Variants in MORF4L1 observed in about 807,000 individuals in gnomAD.
The protein encoded by MORF4L1 is mortality factor 4-like protein 1.
A neutral mutation model predicts 52.9 loss-of-function variants in MORF4L1; 4 were observed. The ratio of observed to expected loss-of-function variants is 0.08; its 90% CI spans 0.04 to 0.17. The LOEUF (loss-of-function observed/expected upper bound fraction) is 0.17. Ranked by LOEUF, MORF4L1 falls within the 10% of genes least tolerant of loss-of-function variation. The pLI is 1.00. For synonymous variants in MORF4L1, 123 were observed against 134.8 expected, an observed-to-expected ratio of 0.91 and a Z score of 0.61; for missense variants, 214 against 390.4, an observed-to-expected ratio of 0.55 and a Z score of 3.81.
At position 78,879,302 on chromosome 15, in the gene MORF4L1, A is replaced by G. The variant is rs545404538; in HGVS notation, c.87+1043A>G. Among the ~76,000 whole-genome samples the G allele has an allele frequency of 3.3e-5, 5 of 151,616 alleles. No homozygotes were observed. In the South Asian group the frequency reaches 1.0e-3, roughly 32 times the overall value. On this transcript the variant is annotated intron_variant, in intron 2 of 11. Transcript: ENST00000426013. Reference sequence around the variant, plus strand: ...AGTGGTGCGATCTTGGCTCACTGTGACGTCCCCCTCCCGGGTTGAAGCAAT... The same window carrying G: ...AGTGGTGCGATCTTGGCTCACTGTGGCGTCCCCCTCCCGGGTTGAAGCAAT...
intron 6 of MORF4L1, chr15:78,891,220 C>G: frequency 2.8e-6 from 2 of 710,178 alleles, no homozygotes; most frequent in South Asian, 3.4e-5. Flanking sequence ...TTTTCATCTG[C>G]TTTAGTCTTA....
Position 78,885,622 on chromosome 15 carries a change from T to A in MORF4L1, c.156-519T>A, listed in dbSNP as rs940994574. Among the ~76,000 whole-genome samples the A allele has an allele frequency of 3.3e-5, 5 of 152,354 alleles. No homozygotes were observed. The East Asian group carries it at 5.8e-4, about 18-fold the overall frequency. ...TATGTTTCTGACATACCTTTAGTGT[T>A]GTTTTGTGTCAGGGATTCTCAGGTG... On this transcript the variant is annotated intron_variant, in intron 3 of 11. Transcript: ENST00000426013.
intron 3 of MORF4L1, among the ~76,000 whole-genome samples, chr15:78,883,287 T>A (rs1339351227): frequency 6.6e-6 from 1 of 152,056 alleles, no homozygotes; most frequent in Admixed American, 6.5e-5. Context: ...AAAGAAGATA[T>A]TTTTAAAAAC....
chr15:78,877,014 A>C (rs1030268892), intron 1 of MORF4L1, among the ~76,000 whole-genome samples: 3 of 151,508 alleles, frequency 2.0e-5, no homozygotes, highest in African/African-American at 7.3e-5. Flanking sequence ...ATCTCTGCTC[A>C]CTGCGACCTC....
intron 3 of MORF4L1, among the ~76,000 whole-genome samples, chr15:78,885,572 T>C (rs1352084091): frequency 6.6e-6 from 1 of 152,210 alleles, no homozygotes; most frequent in African/African-American, 2.4e-5. Context: ...GTCTAGTTGG[T>C]GTTTGAGTAT....
At chr15:78,891,219 GCTTTAGT>G in intron 6 of MORF4L1, 1 of 707,904 alleles carries the variant, frequency 1.4e-6, no homozygotes, top group South Asian at 1.7e-5. Flanking sequence ...ATTTTCATCT[GCTTTAGT>G]CTTAATGTCT....
chr15:78,889,562 G>C (rs1311923996), intron 5 of MORF4L1, among the ~76,000 whole-genome samples: 1 of 152,112 alleles, frequency 6.6e-6, no homozygotes, highest in Admixed American at 6.5e-5. Flanking sequence ...TATTACAGAG[G>C]TGAGTGGGTA....
intron 10 of MORF4L1, chr15:78,894,615 G>A (rs570437706): frequency 4.6e-5 from 24 of 518,722 alleles, no homozygotes; most frequent in African/African-American, 3.3e-4. Context: ...CACCACGTTC[G>A]CCAGGGTGGT....
In MORF4L1 at chr15:78,894,881, C is replaced by A; in HGVS notation, c.864C>A (p.Leu288=). 6.2e-7 allele frequency: 1 copy of A among 1,613,068 alleles called. No individual in the cohort carries two copies. The highest frequency in any genetic ancestry group is 1.1e-5 in the South Asian group (1 of 91,036). ...PLDEKSLALL[L]NYLHDFLKYL... ...ATGAGAAGAGCCTTGCTTTATTACT[C>A]AATTATCTTCACGATTTCCTAAAGT... The change falls in exon 11 of 12, where the codon CTC becomes CTA. Residue 288 remains leucine (L), a synonymous_variant. Coordinates refer to ENST00000426013, the MANE Select transcript of MORF4L1 (RefSeq NM_006791.4).
intron 1 of MORF4L1, among the ~76,000 whole-genome samples, chr15:78,873,502 C>G (rs569253549): frequency 9.7e-4 from 147 of 152,186 alleles, no homozygotes; most frequent in African/African-American, 3.4e-3. Flanking sequence ...TCGGTGCTTC[C>G]TGGAGCCCCG....
At chr15:78,889,084 C>T (rs1026134677) in intron 5 of MORF4L1, among the ~76,000 whole-genome samples, 1 of 152,100 alleles carries the variant, frequency 6.6e-6, no homozygotes, top group Non-Finnish European at 1.5e-5. Flanking sequence ...AAGTTATTTG[C>T]ATTTGAATAC....
Position 78,890,487 on chromosome 15 carries a change from CTTT to C in MORF4L1, c.324-494_324-492del, listed in dbSNP as rs899494842. 3.4e-5 allele frequency among the ~76,000 whole-genome samples: 5 copies of C among 145,352 alleles called. No individual in the cohort carries two copies. The South Asian group carries it at 1.1e-3, about 32-fold the overall frequency. ...ACTAAAGTGTTCTTGGTTTGCTTTT[CTTT>C]TTTTTTTGTCTTTGAGACAGGGTCT... On this transcript the variant is annotated intron_variant, in intron 5 of 11. Transcript: ENST00000426013.
intron 3 of MORF4L1, among the ~76,000 whole-genome samples, chr15:78,880,919 T>C (rs748209111): frequency 6.6e-6 from 1 of 151,700 alleles, no homozygotes; most frequent in Non-Finnish European, 1.5e-5. Context: ...GCCTGAATTA[T>C]TTGGCCTTAC....
At chr15:78,879,622 A>T (rs1301851114) in intron 2 of MORF4L1, among the ~76,000 whole-genome samples, 2 of 152,142 alleles carry the variant, frequency 1.3e-5, no homozygotes, top group Non-Finnish European at 2.9e-5. Context: ...TCTTAATGAT[A>T]TAATGTTTGT....
In MORF4L1 at chr15:78,894,006, A is replaced by G. The variant is rs944763222; in HGVS notation, c.630-52A>G. 10 of 1,486,850 alleles carry G rather than the reference A, an allele frequency of 6.7e-6. No homozygotes were observed. The Admixed American group carries it at 1.6e-4, about 24-fold the overall frequency. The allele number at this position is 1,486,850 out of a possible 1,614,324, so 92.1% of individuals were successfully genotyped here. The stretch of plus-strand genomic sequence containing the variant: ...CTTTAAATTGGTTGAATTATTCTCT[A>G]TGTCAGTTATTTTTATTGACCAGTT... On this transcript the variant is annotated intron_variant, in intron 9 of 11. Coordinates refer to ENST00000426013, the MANE Select transcript of MORF4L1 (RefSeq NM_006791.4).
chr15:78,891,829 G>A lies in MORF4L1; in HGVS notation c.438+257G>A, dbSNP rs140924353. The A allele has an allele frequency of 5.4e-3, 2,379 of 441,726 alleles. 15 individuals are homozygous for A. Among genetic ancestry groups the A allele is most frequent in the Non-Finnish European group, 7.3e-3 (1,835 of 250,874 alleles). The allele number at this position is 441,726 out of a possible 1,614,324, so 27.4% of individuals were successfully genotyped here. A position where few individuals can be genotyped will look rare whatever the true frequency, so the allele number is the denominator to read the frequency against. ...TACAAGACTATTTCTTTGGTGTTAC[G>A]TATTTATTTTTAGGAGTTAAAGATG... On this transcript the variant is annotated intron_variant, in intron 7 of 11. Transcript: ENST00000426013.
Position 78,881,189 on chromosome 15 carries a change from C to CTTTTTTTTTTTT in MORF4L1, c.155+618_155+629dup, listed in dbSNP as rs570514618. Reference sequence around the variant, plus strand: ...AATTTCTCACCCCTAAGAGTTAAGCCTTTTTTTTTTTTTTTTTTTGAGAGA... The same window carrying CTTTTTTTTTTTT: ...AATTTCTCACCCCTAAGAGTTAAGCCTTTTTTTTTTTTTTTTTTTTTTTTTTTTTTTGAGAGA... On this transcript the variant is annotated intron_variant, in intron 3 of 11. Coordinates refer to ENST00000426013, the MANE Select transcript of MORF4L1 (RefSeq NM_006791.4). Among the ~76,000 whole-genome samples, 284 of 67,174 alleles carry CTTTTTTTTTTTT rather than the reference C, an allele frequency of 4.2e-3. 52 individuals carry two copies. The East Asian group carries it at 0.071, about 17-fold the overall frequency. 44.1% of individuals were successfully genotyped at this position (67,174 alleles called of 152,430 possible). A position where few individuals can be genotyped will look rare whatever the true frequency, so the allele number is the denominator to read the frequency against.
chr15:78,885,406 T>C (rs554816661), intron 3 of MORF4L1, among the ~76,000 whole-genome samples: 1 of 152,364 alleles, frequency 6.6e-6, no homozygotes, highest in East Asian at 1.9e-4. Flanking sequence ...AGTGCCAGAA[T>C]GTCTTAACAT....
intron 8 of MORF4L1, among the ~76,000 whole-genome samples, chr15:78,893,254 T>TA (rs2141484040): frequency 6.6e-6 from 1 of 152,338 alleles, no homozygotes; most frequent in East Asian, 1.9e-4. Flanking sequence ...TTCTGTCTAG[T>TA]AGAGTCTCAT....
Sources: gnomAD v4.1 joint callset for allele counts (sites outside exome capture counted in the v4.1 genomes callset) on GRCh38, gnomAD v4.1.1 for gene constraint, MANE v1.5 for transcripts, NCBI Gene and HGNC (gene_info 2026-07-23, HGNC 2026-07-21) for gene names.